CLIP4: variants seen among roughly 807,000 people sequenced by gnomAD.
CLIP4 encodes the protein CAP-Gly domain containing linker protein family member 4.
In CLIP4, 47 loss-of-function variants were observed where a neutral mutation model predicts 73.1. That is an observed-to-expected ratio of 0.64 (90% CI 0.51 to 0.82). CLIP4 has a LOEUF of 0.82. Ranked by LOEUF, CLIP4 falls within the 40% of genes least tolerant of loss-of-function variation. The probability of loss-of-function intolerance (pLI) is 0.00; values close to 1 mark genes in which losing one functional copy is unlikely to be tolerated. For missense variants in CLIP4, 874 were observed against 852.9 expected, an observed-to-expected ratio of 1.02 and a Z score of -0.31; for synonymous variants, 306 against 295.4, an observed-to-expected ratio of 1.04 and a Z score of -0.37.
At chr2:29,125,738 CG>C (rs1473661462) in intron 2 of CLIP4, among the ~76,000 whole-genome samples, 1 of 152,232 alleles carries the variant, frequency 6.6e-6, no homozygotes, top group Non-Finnish European at 1.5e-5. Flanking sequence ...TCTAACATCC[CG>C]TGTCTTGAAA....
chr2:29,108,261 CT>C (rs1169298994), intron 1 of CLIP4, among the ~76,000 whole-genome samples: 2 of 152,144 alleles, frequency 1.3e-5, no homozygotes, highest in Non-Finnish European at 2.9e-5. Flanking sequence ...AGCATCACTA[CT>C]TTTGTGCTTT....
At chr2:29,135,003 T>A (rs530230259) in intron 5 of CLIP4, among the ~76,000 whole-genome samples, 1 of 152,304 alleles carries the variant, frequency 6.6e-6, no homozygotes, top group Non-Finnish European at 1.5e-5. Context: ...CTAAATACTT[T>A]AGACTTTTTG....
At chr2:29,174,656 C>CT (rs1262857074) in intron 15 of CLIP4, 2 of 1,285,992 alleles carry the variant, frequency 1.6e-6, no homozygotes, top group African/African-American at 3.1e-5. Flanking sequence ...AACTAGTGCA[C>CT]TGCATATATT....
intron 6 of CLIP4, among the ~76,000 whole-genome samples, chr2:29,138,162 C>T (rs1665505915): frequency 6.6e-6 from 1 of 151,980 alleles, no homozygotes; most frequent in Admixed American, 6.6e-5. Flanking sequence ...ATTTTAAATC[C>T]ATCTTGAGTT....
rs1663788027 is a variant in CLIP4, at chr2:29,115,998, G to T, written c.-16+333G>T. 6.6e-6 allele frequency among the ~76,000 whole-genome samples: 1 copy of T among 152,176 alleles called. No homozygotes were observed. Among genetic ancestry groups the T allele is most frequent in the Admixed American group, 6.5e-5 (1 of 15,286 alleles). On this transcript the variant is annotated intron_variant, in intron 1 of 15. Transcript: ENST00000320081. The surrounding 1 kb of genome is among the most constrained non-coding windows in gnomAD (Gnocchi z 5.1). ...GGGCTCTGGGCCACGACCGCCAGCC[G>T]CGGCTGCCCCGAGAGTCCCCGCACG...
chr2:29,145,102 G>A (rs1415583126), intron 7 of CLIP4, 130 bp from the exon 8 acceptor site: 2 of 681,110 alleles, frequency 2.9e-6, no homozygotes, highest in Non-Finnish European at 4.8e-6. Context: ...TGTTGAGAGA[G>A]CGAATTTTTA....
At chr2:29,144,477 A>G (rs1452120710) in intron 7 of CLIP4, among the ~76,000 whole-genome samples, 1 of 152,020 alleles carries the variant, frequency 6.6e-6, no homozygotes, top group Admixed American at 6.5e-5. Context: ...TATTGTATTC[A>G]TTTATTGCCA....
intron 8 of CLIP4, among the ~76,000 whole-genome samples, chr2:29,146,568 C>T: frequency 6.6e-6 from 1 of 152,184 alleles, no homozygotes; most frequent in Non-Finnish European, 1.5e-5. Context: ...TAGTCACTTA[C>T]TATGTTGTGA....
chr2:29,131,451 G>A, intron 3 of CLIP4, 54 bp downstream of exon 3: 1 of 1,523,672 alleles, frequency 6.6e-7, no homozygotes, highest in Non-Finnish European at 8.8e-7. Context: ...TAATGGTATA[G>A]ATTTTTTTCC....
At chr2:29,126,766 C>T (rs571484091) in intron 2 of CLIP4, among the ~76,000 whole-genome samples, 1 of 152,134 alleles carries the variant, frequency 6.6e-6, no homozygotes, top group Admixed American at 6.5e-5. Context: ...CACAAAGGTT[C>T]CTTACATGAG....
At chr2:29,118,914 A>G (rs1463905727) in intron 1 of CLIP4, among the ~76,000 whole-genome samples, 1 of 152,140 alleles carries the variant, frequency 6.6e-6, no homozygotes, top group Non-Finnish European at 1.5e-5. Context: ...GAAAGTGTGT[A>G]CTCAGTTCAG....
At chr2:29,125,991 A>G (rs1045948125) in intron 2 of CLIP4, among the ~76,000 whole-genome samples, 4 of 152,062 alleles carry the variant, frequency 2.6e-5, no homozygotes, top group African/African-American at 9.7e-5. Flanking sequence ...CCTGACCAAC[A>G]TGGTGAAACC....
At chr2:29,161,653 C>G (rs1667298594) in intron 12 of CLIP4, among the ~76,000 whole-genome samples, 2 of 152,240 alleles carry the variant, frequency 1.3e-5, no homozygotes, top group African/African-American at 4.8e-5. Flanking sequence ...GTGCCAATTC[C>G]CACAGGGTGA....
chr2:29,122,301 A>G (rs770606160), intron 2 of CLIP4, among the ~76,000 whole-genome samples: 7 of 148,576 alleles, frequency 4.7e-5, no homozygotes, highest in Non-Finnish European at 7.4e-5. Flanking sequence ...CGTCAGAAGT[A>G]TTATATAAAA....
rs114241190 is a variant in CLIP4 at position 29,169,719 on chromosome 2, C to T, written c.1723+2179C>T. Among the ~76,000 whole-genome samples, 1,297 of 152,194 alleles carry T rather than the reference C, an allele frequency of 8.5e-3. 22 individuals carry two copies. The highest frequency in any genetic ancestry group is 0.029 in the African/African-American group (1,214 of 41,516). On this transcript the variant is annotated intron_variant, in intron 14 of 15. Coordinates refer to ENST00000320081, the MANE Select transcript of CLIP4 (RefSeq NM_024692.6). ...AAGTCAGGGTAATTGGGATATCTAT[C>T]ACCTCAAACATCGATCTTTTCTTTG...
rs773384173 is a variant in CLIP4, at chr2:29,131,378, T to C, written c.254T>C (p.Ile85Thr). The change falls in exon 3 of 16, where the codon ATT becomes ACT. Residue 85 changes from isoleucine (I) to threonine (T), a missense_variant. Physicochemically the swap from Ile to Thr is moderately conservative, Grantham distance 89. Transcript: ENST00000320081. ...RQWVPQVQQN[I>T]DIIGNEILKR... ...TGGGTTCCTCAGGTCCAACAAAACA[T>C]TGACATTATTGGAAATGAGGTAAGG... is the stretch of plus-strand genomic sequence containing the variant. 1.4e-5 allele frequency: 22 copies of C among 1,599,920 alleles called. No individual in the cohort carries two copies. Among genetic ancestry groups the C allele is most frequent in the Non-Finnish European group, 2.6e-6 (3 of 1,175,584 alleles).
At chr2:29,137,281 T>C (rs1019699360) in intron 6 of CLIP4, among the ~76,000 whole-genome samples, 3 of 152,156 alleles carry the variant, frequency 2.0e-5, no homozygotes, top group African/African-American at 7.2e-5. Context: ...ACATGCATTA[T>C]TTGGTTTTCT....
chr2:29,142,572 G>A (rs1665848148), intron 6 of CLIP4, among the ~76,000 whole-genome samples: 1 of 152,028 alleles, frequency 6.6e-6, no homozygotes, highest in Non-Finnish European at 1.5e-5. Context: ...GATTAGAAGA[G>A]TCCATTACCA....
chr2:29,137,915 T>C (rs935760978), intron 6 of CLIP4, among the ~76,000 whole-genome samples: 7 of 152,192 alleles, frequency 4.6e-5, no homozygotes, highest in Non-Finnish European at 1.0e-4. Context: ...ATTAGTCCTT[T>C]GTTGGATGCA....
Sources: allele counts gnomAD v4.1 joint callset (sites outside exome capture counted in the v4.1 genomes callset), GRCh38; gene constraint gnomAD v4.1.1; non-coding constraint Gnocchi (gnomAD v3.1); transcripts MANE v1.5; gene names NCBI Gene and HGNC (gene_info 2026-07-23, HGNC 2026-07-21).